LCORL: variants seen among roughly 807,000 people sequenced by gnomAD.
LCORL encodes ligand dependent nuclear receptor corepressor like, also known as ligand-dependent nuclear receptor corepressor-like protein.
A neutral mutation model predicts 141.8 loss-of-function variants in LCORL; 41 were observed. That is an observed-to-expected ratio of 0.29 (90% CI 0.23 to 0.38). LCORL has a LOEUF of 0.38. Ranked by LOEUF, LCORL falls within the 10% of genes least tolerant of loss-of-function variation. The pLI is 1.00. For synonymous variants in LCORL, 618 were observed against 694.1 expected (o/e 0.89, Z 1.72); for missense variants, 1,759 against 2,035.0 (o/e 0.86, Z 2.61).
At chr4:17,969,299 A>G (rs1423435051) in intron 2 of LCORL, among the ~76,000 whole-genome samples, 2 of 152,328 alleles carry the variant, frequency 1.3e-5, no homozygotes, top group Middle Eastern at 3.4e-3. Context: ...TCATAAGGAC[A>G]GTCATAAGAC....
intron 5 of LCORL, among the ~76,000 whole-genome samples, chr4:17,898,922 T>C (rs887356912): frequency 2.0e-5 from 3 of 152,200 alleles, no homozygotes; most frequent in Admixed American, 1.3e-4. Context: ...CTGCACCAGT[T>C]TGTATTTCCA....
In LCORL at chr4:17,987,532, G is replaced by T. The variant is rs548997699; in HGVS notation, c.155-14647C>A. Among the ~76,000 whole-genome samples the T allele has an allele frequency of 7.9e-5, 12 of 152,188 alleles. No individual in the cohort carries two copies. In the South Asian group the frequency reaches 2.5e-3, roughly 32 times the overall value. ...ACTACTATGAAATTTACATGAAACA[G>T]ATTTTCATTTCTACTAGGTAAGACT... is the stretch of plus-strand genomic sequence containing the variant. On this transcript the variant is annotated intron_variant, in intron 1 of 7. Coordinates refer to ENST00000635767, the Ensembl canonical transcript of LCORL.
At chr4:17,852,264 TATAC>T (rs1273903196) in intron 7 of LCORL, among the ~76,000 whole-genome samples, 1 of 149,952 alleles carries the variant, frequency 6.7e-6, no homozygotes, top group Non-Finnish European at 1.5e-5. Flanking sequence ...CAATAGTATG[TATAC>T]AGTGGTACTC....
chr4:17,882,668 GCAATTCA>G lies in LCORL; in HGVS notation c.776+3393_776+3399del, dbSNP rs1410166598. 3.8e-5 allele frequency: 37 copies of G among 984,578 alleles called. No homozygotes were observed. The African/African-American group carries it at 6.5e-4, about 17-fold the overall frequency. The allele number at this position is 984,578 out of a possible 1,614,324, so 61.0% of individuals were successfully genotyped here. ...TGTATCGCCCACCAAAATGAAATCT[GCAATTCA>G]TTTTGATAAACTGAAAATGTTTTGA... On this transcript the variant is annotated intron_variant, in intron 6 of 7. Coordinates refer to ENST00000635767, the Ensembl canonical transcript of LCORL.
intron 4 of LCORL, among the ~76,000 whole-genome samples, chr4:17,945,652 G>A (rs1246828646): frequency 6.6e-6 from 1 of 151,554 alleles, no homozygotes; most frequent in South Asian, 2.1e-4. Flanking sequence ...TAGTATGTTG[G>A]GCTATCTTAA....
intron 1 of LCORL, among the ~76,000 whole-genome samples, chr4:17,984,506 T>C (rs765544965): frequency 3.3e-5 from 5 of 152,078 alleles, no homozygotes; most frequent in Non-Finnish European, 5.9e-5. Context: ...TGGGGGGGTA[T>C]ATGTGGCCAG....
At chr4:17,930,714 C>T (rs140932300) in intron 4 of LCORL, among the ~76,000 whole-genome samples, 7 of 152,190 alleles carry the variant, frequency 4.6e-5, no homozygotes, top group African/African-American at 1.4e-4. Context: ...TATTGACATA[C>T]GTGAGATTGT....
chr4:17,884,597 T>C lies in LCORL; in HGVS notation c.776+1471A>G. 6 of 1,545,986 alleles carry C rather than the reference T, an allele frequency of 3.9e-6. No homozygotes were observed. The highest frequency in any genetic ancestry group is 5.2e-6 in the Non-Finnish European group (6 of 1,145,060). On this transcript the variant is annotated intron_variant, in intron 6 of 7. Transcript: ENST00000635767. This position sits in a 1 kb window ranked among gnomAD's most constrained non-coding sequence, Gnocchi z 4.4. ...CTTCCCTGCTGGTAAGGCTTCTAAG[T>C]GAAGAAGTAAAGTTTTTTGAGGTAT...
chr4:17,943,150 CT>C (rs1738249366), intron 4 of LCORL, among the ~76,000 whole-genome samples: 1 of 152,186 alleles, frequency 6.6e-6, no homozygotes, highest in African/African-American at 2.4e-5. Flanking sequence ...TTCAACACCC[CT>C]GAGATGACAA....
chr4:17,944,738 A>T (rs1468068261), intron 4 of LCORL, among the ~76,000 whole-genome samples: 1 of 152,210 alleles, frequency 6.6e-6, no homozygotes, highest in African/African-American at 2.4e-5. Context: ...ACTTCAGCGG[A>T]CATCTTAGAT....
At chr4:17,919,848 T>C (rs1560342958) in intron 4 of LCORL, among the ~76,000 whole-genome samples, 2 of 152,220 alleles carry the variant, frequency 1.3e-5, no homozygotes, top group African/African-American at 2.4e-5. Flanking sequence ...AGACCATCCT[T>C]AGAGATGGTC....
intron 4 of LCORL, among the ~76,000 whole-genome samples, chr4:17,917,055 A>T (rs1421821195): frequency 2.0e-5 from 3 of 151,074 alleles, no homozygotes; most frequent in Non-Finnish European, 2.9e-5. Context: ...GCTCATTGCA[A>T]CCTCTGCCTC....
chr4:18,020,949 G>T (rs957827340), intron 1 of LCORL, among the ~76,000 whole-genome samples: 1 of 152,178 alleles, frequency 6.6e-6, no homozygotes, highest in Non-Finnish European at 1.5e-5. Flanking sequence ...TTCTTAAAGG[G>T]GTACACACAG....
rs760212479 is a variant in LCORL at position 18,021,785 on chromosome 4, C to T, written c.-34G>A. ...CGCGTCACGCGCCCTCATTTACATA[C>T]GAGCAGCGCAGGCACGAGGCAGGGG... On this transcript the variant is annotated 5_prime_UTR_variant, in exon 1 of 8. Transcript: ENST00000635767. The surrounding 1 kb of genome is among the most constrained non-coding windows in gnomAD (Gnocchi z 5.5). 4.8e-6 allele frequency: 7 copies of T among 1,466,684 alleles called. No individual in the cohort carries two copies. In the South Asian group the frequency reaches 8.4e-5, roughly 18 times the overall value. 90.9% of individuals were successfully genotyped at this position (1,466,684 alleles called of 1,614,324 possible).
chr4:17,971,307 T>G (rs559067473), intron 2 of LCORL, among the ~76,000 whole-genome samples: 1 of 152,064 alleles, frequency 6.6e-6, no homozygotes, highest in Non-Finnish European at 1.5e-5. Context: ...TGAGTCAATA[T>G]ACAGTATATA....
At chr4:17,936,552 T>A (rs1185208038) in intron 4 of LCORL, among the ~76,000 whole-genome samples, 1 of 152,154 alleles carries the variant, frequency 6.6e-6, no homozygotes, top group Non-Finnish European at 1.5e-5. Context: ...TCTATTTAGT[T>A]CTTGAGTTCA....
At chr4:17,997,416 A>C (rs2109806276) in intron 1 of LCORL, among the ~76,000 whole-genome samples, 1 of 152,284 alleles carries the variant, frequency 6.6e-6, no homozygotes, top group East Asian at 1.9e-4. Flanking sequence ...TACCCTCTGG[A>C]TCTGTCATAG....
intron 1 of LCORL, among the ~76,000 whole-genome samples, chr4:17,980,170 C>T (rs1339850826): frequency 2.6e-5 from 4 of 152,130 alleles, no homozygotes; most frequent in African/African-American, 4.8e-5. Context: ...TTGTGGTATT[C>T]GTTACAACAC....
chr4:17,962,961 A>G lies in LCORL; in HGVS notation c.300+9T>C. ...AGTTTAAAGATAATTTCATAGCACT[A>G]AAACTTACACTGACTGCTTCTCTCT... On this transcript the variant is annotated intron_variant, in intron 3 of 7. Coordinates refer to ENST00000635767, the Ensembl canonical transcript of LCORL. The G allele has an allele frequency of 6.6e-7, 1 of 1,510,418 alleles. No individual in the cohort carries two copies. Among genetic ancestry groups the G allele is most frequent in the East Asian group, 2.3e-5 (1 of 42,558 alleles). 93.6% of individuals were successfully genotyped at this position (1,510,418 alleles called of 1,614,324 possible). A position where few individuals can be genotyped will look rare whatever the true frequency, so the allele number is the denominator to read the frequency against.
Sources: gnomAD v4.1 joint callset for allele counts (sites outside exome capture counted in the v4.1 genomes callset) on GRCh38, gnomAD v4.1.1 for gene constraint, Gnocchi (gnomAD v3.1) non-coding constraint, MANE v1.5 for transcripts, NCBI Gene and HGNC (gene_info 2026-07-23, HGNC 2026-07-21) for gene names.